Variants in AK8 observed in about 807,000 individuals in gnomAD.
AK8 encodes ATP-AMP transphosphorylase 8.
Under a neutral mutation model 54.6 loss-of-function variants are expected in AK8, and 44 were observed. That is an observed-to-expected ratio of 0.81 (90% CI 0.63 to 1.04). The LOEUF is 1.04. AK8 is among the 50% of genes least tolerant of loss of function. AK8 has a pLI of 0.00. For missense variants in AK8, 555 were observed against 613.6 expected, an observed-to-expected ratio of 0.90 and a Z score of 1.01; for synonymous variants, 239 against 245.6, an observed-to-expected ratio of 0.97 and a Z score of 0.25.
At position 132,842,548 on chromosome 9, in the gene AK8, T is replaced by C. The variant is rs182187579; in HGVS notation, c.402+12309A>G. On this transcript the variant is annotated intron_variant, in intron 5 of 12. Coordinates refer to ENST00000298545, the MANE Select transcript of AK8 (RefSeq NM_152572.3). ...TGAAGAAGTGACTTGAAGCTGAGGCTGAGGAATGAGAGCAGTTTTCTAGCT... is the reference window on the plus strand; with the variant it reads ...TGAAGAAGTGACTTGAAGCTGAGGCCGAGGAATGAGAGCAGTTTTCTAGCT... Among the ~76,000 whole-genome samples, 262 of 152,328 alleles carry C rather than the reference T, an allele frequency of 1.7e-3. 1 individual carries two copies. The East Asian group carries it at 0.018, about 11-fold the overall frequency.
At chr9:132,732,343 T>C (rs181176466) in intron 11 of AK8, among the ~76,000 whole-genome samples, 1 of 152,270 alleles carries the variant, frequency 6.6e-6, no homozygotes, top group Admixed American at 6.5e-5. Context: ...GTATCTTCTA[T>C]GGCATTCAGG....
intron 9 of AK8, among the ~76,000 whole-genome samples, chr9:132,816,354 CA>C (rs35474843): frequency 2.5e-3 from 223 of 90,860 alleles, no homozygotes; most frequent in Admixed American, 3.6e-3. Context: ...GACTTTGTCT[CA>C]AAAAAAAAAA....
At chr9:132,752,379 A>AGAG (rs1837973621) in intron 11 of AK8, among the ~76,000 whole-genome samples, 1 of 151,120 alleles carries the variant, frequency 6.6e-6, no homozygotes, top group African/African-American at 2.4e-5. Flanking sequence ...CCTCCCGAGC[A>AGAG]GCTGGGACTA....
intron 12 of AK8, 125 bp from the exon 13 acceptor site, chr9:132,726,050 T>C: frequency 1.4e-6 from 1 of 740,464 alleles, no homozygotes; most frequent in Non-Finnish European, 2.3e-6. Flanking sequence ...ACCAGCCATT[T>C]ACTACTGTGT....
chr9:132,833,510 C>T (rs1842190333), intron 5 of AK8, among the ~76,000 whole-genome samples: 1 of 152,156 alleles, frequency 6.6e-6, no homozygotes, highest in Non-Finnish European at 1.5e-5. Flanking sequence ...AATGTCTATT[C>T]CACTCTGAGC....
chr9:132,731,721 C>A (rs1836856692), intron 11 of AK8, among the ~76,000 whole-genome samples: 1 of 152,184 alleles, frequency 6.6e-6, no homozygotes, highest in African/African-American at 2.4e-5. Flanking sequence ...CTTGAGAGCT[C>A]AGCTCTCTGG....
intron 5 of AK8, among the ~76,000 whole-genome samples, chr9:132,849,207 CG>C (rs1227156070): frequency 1.3e-5 from 2 of 151,976 alleles, no homozygotes; most frequent in Admixed American, 6.6e-5. Context: ...TACGCCCAGC[CG>C]GAAGTTTGCT....
intron 11 of AK8, among the ~76,000 whole-genome samples, chr9:132,774,915 C>T (rs1839143676): frequency 6.6e-6 from 1 of 152,124 alleles, no homozygotes; most frequent in South Asian, 2.1e-4. Flanking sequence ...CTAATAAGAG[C>T]TTGGAATCCA....
rs140496295 is a variant in AK8, at chr9:132,799,645, C to T, written c.980-6870G>A. Among the ~76,000 whole-genome samples, 9 of 151,940 alleles carry T rather than the reference C, an allele frequency of 5.9e-5. No individual in the cohort carries two copies. Among genetic ancestry groups the T allele is most frequent in the African/African-American group, 1.9e-4 (8 of 41,350 alleles). On this transcript the variant is annotated intron_variant, in intron 10 of 12. Transcript: ENST00000298545. This position sits in a 1 kb window ranked among gnomAD's most constrained non-coding sequence, Gnocchi z 5.0. Reference sequence around the variant, plus strand: ...ACCCCCACACCCCTACACCCCACCACGTGCACAACACATACTGTATACCCA... The same window carrying T: ...ACCCCCACACCCCTACACCCCACCATGTGCACAACACATACTGTATACCCA...
chr9:132,875,151 A>T lies in AK8; in HGVS notation c.133T>A (p.Phe45Ile), dbSNP rs1844035375. 6.2e-7 allele frequency: 1 copy of T among 1,614,016 alleles called. No homozygotes were observed. Among genetic ancestry groups the T allele is most frequent in the Admixed American group, 1.7e-5 (1 of 60,006 alleles). ...LIHQPEDPIP[F>I]MIQHLHRDND... ...TCTCTATGCAAGTGCTGGATCATGAAGGGGATGGGATCTTCGGGCTGGTGG... is the reference window on the plus strand; with the variant it reads ...TCTCTATGCAAGTGCTGGATCATGATGGGGATGGGATCTTCGGGCTGGTGG... Residue 45 changes from phenylalanine to isoleucine, a missense_variant, in exon 2 of 13, where the codon TTC becomes ATC. Transcript: ENST00000298545.
chr9:132,839,821 G>T lies in AK8; in HGVS notation c.403-11095C>A, dbSNP rs1044888775. ...TTGTAAAGAAAACATTTTTTTTGCC[G>T]GGGGGGGGGGCGCAGGGACGGAGCC... On this transcript the variant is annotated intron_variant, in intron 5 of 12. Coordinates refer to ENST00000298545, the MANE Select transcript of AK8 (RefSeq NM_152572.3). Among the ~76,000 whole-genome samples the T allele has an allele frequency of 4.5e-3, 225 of 49,812 alleles. 2 individuals carry two copies. The highest frequency in any genetic ancestry group is 0.015 in the African/African-American group (161 of 10,880). The allele number at this position is 49,812 out of a possible 152,430, so 32.7% of individuals were successfully genotyped here.
chr9:132,787,436 T>G lies in AK8; in HGVS notation c.1121+5198A>C, dbSNP rs144745581. On this transcript the variant is annotated intron_variant, in intron 11 of 12. Transcript: ENST00000298545. ...CAGGATCAGATTGGCATTGGACTTC[T>G]TAGCAACACTGGAAATTCAAAATTC... 1.1e-3 allele frequency among the ~76,000 whole-genome samples: 172 copies of G among 152,296 alleles called. 4 individuals carry two copies. In the East Asian group the frequency reaches 0.026, roughly 23 times the overall value.
chr9:132,877,321 G>A (rs1384891370), intron 1 of AK8, among the ~76,000 whole-genome samples: 1 of 152,204 alleles, frequency 6.6e-6, no homozygotes. Context: ...TTCTTCGTCT[G>A]GGCTCAGCTG....
At chr9:132,873,309 T>C (rs1477952846) in intron 2 of AK8, among the ~76,000 whole-genome samples, 1 of 152,178 alleles carries the variant, frequency 6.6e-6, no homozygotes, top group Non-Finnish European at 1.5e-5. Flanking sequence ...TTTCACAGCT[T>C]CTATCTGGGT....
At chr9:132,835,209 A>C in intron 5 of AK8, among the ~76,000 whole-genome samples, 1 of 151,906 alleles carries the variant, frequency 6.6e-6, no homozygotes, top group Non-Finnish European at 1.5e-5. Context: ...GTTAAAAAAA[A>C]TTTAAATTCC....
At chr9:132,855,847 G>A (rs1394722209) in intron 4 of AK8, among the ~76,000 whole-genome samples, 4 of 152,084 alleles carry the variant, frequency 2.6e-5, no homozygotes, top group Admixed American at 1.3e-4. Flanking sequence ...AAGAGGAGTC[G>A]CCCTCTTGCC....
intron 5 of AK8, among the ~76,000 whole-genome samples, chr9:132,844,338 C>A (rs908196378): frequency 6.6e-6 from 1 of 151,584 alleles, no homozygotes; most frequent in Non-Finnish European, 1.5e-5. Context: ...AAGAAACGAC[C>A]CCCCTGCATT....
At chr9:132,810,821 C>T (rs1046723816) in intron 10 of AK8, among the ~76,000 whole-genome samples, 2 of 152,024 alleles carry the variant, frequency 1.3e-5, no homozygotes, top group African/African-American at 4.8e-5. Context: ...CAAGCAATTG[C>T]TAAAACTACA....
At chr9:132,842,663 G>GT (rs1198214291) in intron 5 of AK8, among the ~76,000 whole-genome samples, 1 of 152,220 alleles carries the variant, frequency 6.6e-6, no homozygotes, top group Non-Finnish European at 1.5e-5. Flanking sequence ...TTATCACATG[G>GT]TTTTCAAGGA....
Sources: gnomAD v4.1 joint callset for allele counts (sites outside exome capture counted in the v4.1 genomes callset) on GRCh38, gnomAD v4.1.1 for gene constraint, Gnocchi (gnomAD v3.1) non-coding constraint, MANE v1.5 for transcripts, NCBI Gene and HGNC (gene_info 2026-07-23, HGNC 2026-07-21) for gene names.